Variants in ERLEC1 observed in about 807,000 individuals in gnomAD.
ERLEC1 encodes the protein endoplasmic reticulum lectin 1.
A neutral mutation model predicts 68.0 loss-of-function variants in ERLEC1; 47 were observed. That is an observed-to-expected ratio of 0.69 (90% confidence interval 0.55 to 0.88). The LOEUF (loss-of-function observed/expected upper bound fraction) is 0.88, where lower values mean the gene tolerates loss of function less well. Ranked by LOEUF, ERLEC1 falls within the 40% of genes least tolerant of loss-of-function variation. The probability of loss-of-function intolerance (pLI) is 0.00; values close to 1 mark genes in which losing one functional copy is unlikely to be tolerated. For missense variants in ERLEC1, 567 were observed against 583.8 expected (o/e 0.97, Z 0.30); for synonymous variants, 225 against 203.2 (o/e 1.11, Z -0.91).
intron 1 of ERLEC1, among the ~76,000 whole-genome samples, 183 bp from the exon 2 acceptor site, chr2:53,794,162 C>T (rs1401745015): frequency 1.3e-5 from 2 of 152,188 alleles, no homozygotes; most frequent in Non-Finnish European, 2.9e-5. Flanking sequence ...CAAACCTGCA[C>T]ATGTACCCCC....
chr2:53,800,781 T>C (rs1289860126), intron 6 of ERLEC1, among the ~76,000 whole-genome samples: 1 of 152,202 alleles, frequency 6.6e-6, no homozygotes, highest in African/African-American at 2.4e-5. Flanking sequence ...TGAAAAATTT[T>C]TAATTTGTCT....
intron 3 of ERLEC1, among the ~76,000 whole-genome samples, chr2:53,796,622 A>G (rs1383681139): frequency 2.0e-5 from 3 of 151,640 alleles, no homozygotes; most frequent in African/African-American, 7.3e-5. Flanking sequence ...TAATTTTTGT[A>G]TTTTTTATAA....
chr2:53,809,924 G>A (rs1171674562), intron 10 of ERLEC1, among the ~76,000 whole-genome samples: 2 of 151,872 alleles, frequency 1.3e-5, no homozygotes, highest in Non-Finnish European at 2.9e-5. Context: ...CCAGGTGCAT[G>A]CCTATAATTC....
intron 3 of ERLEC1, among the ~76,000 whole-genome samples, 168 bp downstream of exon 3, chr2:53,796,181 T>A (rs1217372101): frequency 6.6e-6 from 1 of 151,712 alleles, no homozygotes; most frequent in Non-Finnish European, 1.5e-5. Flanking sequence ...AAACTGCATG[T>A]CACCGGGGTT....
intron 6 of ERLEC1, among the ~76,000 whole-genome samples, chr2:53,799,392 A>G (rs1473711591): frequency 3.9e-5 from 6 of 152,282 alleles, no homozygotes; most frequent in East Asian, 1.9e-4. Context: ...ACTGGAAACT[A>G]TTAAGAGTTT....
rs781644825 is a variant in ERLEC1 at position 53,801,562 on chromosome 2, A to G, written c.691A>G (p.Thr231Ala). ...HEILSVAEVT[T>A]CEYEVVILTP... ...AATTCTTTCAGTAGCTGAAGTTACA[A>G]CTTGTGAATATGAAGTTGTCATTTT... The change falls in exon 7 of 14, where the codon ACT (threonine) becomes GCT (alanine). Residue 231 changes from threonine to alanine, a missense_variant. Thr to Ala is a moderately conservative substitution (Grantham distance 58, BLOSUM62 0). Coordinates refer to ENST00000185150, the MANE Select transcript of ERLEC1 (RefSeq NM_015701.5). 3.1e-6 allele frequency: 5 copies of G among 1,613,998 alleles called. No homozygotes were observed. The highest frequency in any genetic ancestry group is 3.4e-6 in the Non-Finnish European group (4 of 1,179,986).
At chr2:53,808,967 C>T (rs1676446293) in intron 9 of ERLEC1, among the ~76,000 whole-genome samples, 1 of 152,154 alleles carries the variant, frequency 6.6e-6, no homozygotes, top group South Asian at 2.1e-4. Flanking sequence ...TTGACCCTGA[C>T]TCTTAGTACT....
intron 10 of ERLEC1, among the ~76,000 whole-genome samples, chr2:53,810,321 A>T (rs1219401783): frequency 6.6e-6 from 1 of 152,154 alleles, no homozygotes; most frequent in African/African-American, 2.4e-5. Flanking sequence ...AATTTTAAAA[A>T]TTTTAAAAAA....
intron 2 of ERLEC1, among the ~76,000 whole-genome samples, chr2:53,795,047 T>C (rs1467737188): frequency 6.6e-6 from 1 of 152,220 alleles, no homozygotes; most frequent in Non-Finnish European, 1.5e-5. Flanking sequence ...AATTTTTAAA[T>C]GTATATGTGA....
chr2:53,814,995 C>CTTTTTTTTTTTTTTTTTTTTTTTTTT (rs777632156), intron 13 of ERLEC1, 60 bp downstream of exon 13: 13 of 470,066 alleles, frequency 2.8e-5, no homozygotes, highest in East Asian at 5.7e-5. Flanking sequence ...ATTTTTTTTT[C>CTTTTTTTTTTTTTTTTTTTTTTTTTT]TTTTTTTTTT....
intron 13 of ERLEC1, 60 bp downstream of exon 13, chr2:53,814,995 CTTTTTTTTT>C (rs777632156): frequency 8.8e-4 from 412 of 469,778 alleles, no homozygotes; most frequent in Non-Finnish European, 1.1e-3. Flanking sequence ...ATTTTTTTTT[CTTTTTTTTT>C]TTTTTTTTTT....
At chr2:53,813,563 A>G (rs898979567) in intron 11 of ERLEC1, among the ~76,000 whole-genome samples, 2 of 152,238 alleles carry the variant, frequency 1.3e-5, no homozygotes, top group African/African-American at 2.4e-5. Context: ...CTTTTAGGAT[A>G]TATGAGTATA....
In ERLEC1 at chr2:53,801,460, A is replaced by G. The variant is rs1573082378; in HGVS notation, c.589A>G (p.Thr197Ala). The G allele has an allele frequency of 6.8e-6, 11 of 1,614,080 alleles. No individual in the cohort carries two copies. In the East Asian group the frequency reaches 2.5e-4, roughly 36 times the overall value. ...CTATCCTGTGGGAATGGGAAATGGT[A>G]CACCTTGTAGTTTGAAACAGAACCG... is the stretch of plus-strand genomic sequence containing the variant. ...PYYPVGMGNG[T>A]PCSLKQNRPR... is the part of the protein sequence containing the mutation. Residue 197 changes from threonine to alanine, a missense_variant, in exon 7 of 14, where the codon ACA (threonine) becomes GCA (alanine). Coordinates refer to ENST00000185150, the MANE Select transcript of ERLEC1 (RefSeq NM_015701.5).
intron 10 of ERLEC1, among the ~76,000 whole-genome samples, chr2:53,812,698 A>T (rs746303753): frequency 2.0e-5 from 3 of 152,186 alleles, no homozygotes; most frequent in Non-Finnish European, 4.4e-5. Context: ...AAAAAGAGAT[A>T]GAAGAGCCGA....
At chr2:53,801,644 A>G (rs1446137099) in intron 7 of ERLEC1, 24 bp downstream of exon 7, 4 of 1,613,046 alleles carry the variant, frequency 2.5e-6, no homozygotes, top group Non-Finnish European at 2.5e-6. Flanking sequence ...TTAATATTTT[A>G]AACATAAAAT....
In ERLEC1 at chr2:53,807,062, G is replaced by C. The variant is rs919109014; in HGVS notation, c.880-1237G>C. The stretch of plus-strand genomic sequence containing the variant: ...TTCCTTCTTCCTTGCCACTGCTGAA[G>C]TAATACTTAAAAATATCATCACAGC... On this transcript the variant is annotated intron_variant, in intron 8 of 13. Coordinates refer to ENST00000185150, the MANE Select transcript of ERLEC1 (RefSeq NM_015701.5). Among the ~76,000 whole-genome samples the C allele has an allele frequency of 3.3e-5, 5 of 152,116 alleles. No homozygotes were observed. In the East Asian group the frequency reaches 9.6e-4, roughly 29 times the overall value.
At chr2:53,804,936 A>G (rs1676203851) in intron 8 of ERLEC1, among the ~76,000 whole-genome samples, 1 of 149,094 alleles carries the variant, frequency 6.7e-6, no homozygotes, top group African/African-American at 2.5e-5. Context: ...GGCTTATTTC[A>G]CTTAACATAA....
chr2:53,787,491 C>A, intron 1 of ERLEC1, 119 bp downstream of exon 1: 2 of 1,233,080 alleles, frequency 1.6e-6, no homozygotes, highest in Non-Finnish European at 2.2e-6. Context: ...CTTACCTTCC[C>A]CAAGCCAAAG....
chr2:53,796,696 C>T (rs1383216298), intron 3 of ERLEC1, among the ~76,000 whole-genome samples: 7 of 151,920 alleles, frequency 4.6e-5, no homozygotes, highest in Admixed American at 2.6e-4. Flanking sequence ...GCCATCCACC[C>T]GCCTCAGCCT....
Sources: allele counts gnomAD v4.1 joint callset (sites outside exome capture counted in the v4.1 genomes callset), GRCh38; gene constraint gnomAD v4.1.1; transcripts MANE v1.5; gene names NCBI Gene and HGNC (gene_info 2026-07-23, HGNC 2026-07-21).